The following GSE1 variants were observed in gnomAD, a reference collection of about 807,000 sequenced individuals.
GSE1 encodes the protein genetic suppressor element 1.
GSE1 carries 32 observed loss-of-function variants against 112.6 expected under a neutral mutation model. The ratio of observed to expected loss-of-function variants is 0.28; its 90% CI spans 0.21 to 0.38. The LOEUF (loss-of-function observed/expected upper bound fraction) is 0.38. Among genes scored for constraint, GSE1 ranks in the 10% least tolerant of loss-of-function variants. The pLI, the probability that GSE1 is intolerant of heterozygous loss-of-function variation, is 1.00. For missense variants in GSE1, 2,348 were observed against 1,699.2 expected (o/e 1.38, Z -6.71); for synonymous variants, 1,115 against 735.6 (o/e 1.52, Z -8.35).
upstream of GSE1, among the ~76,000 whole-genome samples, chr16:85,552,659 A>G (rs115352767): frequency 8.0e-3 from 1,222 of 152,314 alleles, 14 homozygotes; most frequent in African/African-American, 0.027. Flanking sequence ...GCTGTCTCCA[A>G]GTGATCTTGC....
intron 2 of GSE1, among the ~76,000 whole-genome samples, chr16:85,449,259 G>A (rs1597790352): frequency 6.6e-6 from 1 of 152,246 alleles, no homozygotes; most frequent in Non-Finnish European, 1.5e-5. Context: ...CCACATCTGA[G>A]CCATTCAAGA....
intron 2 of GSE1, among the ~76,000 whole-genome samples, chr16:85,542,095 C>T (rs937414361): frequency 7.0e-6 from 1 of 142,072 alleles, no homozygotes; most frequent in African/African-American, 2.7e-5. Context: ...CCACCCCATC[C>T]GGTTTTGACC....
chr16:85,531,355 C>T (rs556341102), intron 2 of GSE1, among the ~76,000 whole-genome samples: 14 of 152,208 alleles, frequency 9.2e-5, no homozygotes, highest in African/African-American at 2.6e-4. Context: ...AGGAGTAAGT[C>T]GTCCAGGGCC....
chr16:85,412,723 C>A (rs1453727581), intron 2 of GSE1, among the ~76,000 whole-genome samples: 2 of 150,572 alleles, frequency 1.3e-5, no homozygotes, highest in Non-Finnish European at 3.0e-5. Flanking sequence ...CACTGTTACT[C>A]TCAGGCCCCC....
At chr16:85,641,044 C>A (rs2050402617) in intron 2 of GSE1, among the ~76,000 whole-genome samples, 1 of 152,234 alleles carries the variant, frequency 6.6e-6, no homozygotes. Flanking sequence ...CAGTACTTGG[C>A]GTGTCAGCCT....
intron 1 of GSE1, among the ~76,000 whole-genome samples, chr16:85,567,046 A>ACCCCCC (rs1567597103): frequency 2.3e-5 from 2 of 87,660 alleles, no homozygotes; most frequent in Non-Finnish European, 5.1e-5. Flanking sequence ...CCCCACCCCC[A>ACCCCCC]CCCCCACCCC....
intron 2 of GSE1, among the ~76,000 whole-genome samples, chr16:85,385,737 C>G (rs897808807): frequency 6.6e-6 from 1 of 152,222 alleles, no homozygotes; most frequent in African/African-American, 2.4e-5. Flanking sequence ...CATCCTGGAG[C>G]CCTTCCGAGG....
chr16:85,628,287 T>C (rs2151699110), intron 1 of GSE1, among the ~76,000 whole-genome samples: 1 of 152,348 alleles, frequency 6.6e-6, no homozygotes, highest in South Asian at 2.1e-4. Flanking sequence ...CAGAGCCGCT[T>C]CCCAGGCTCA....
intron 2 of GSE1, among the ~76,000 whole-genome samples, chr16:85,519,848 T>C (rs1290039924): frequency 6.6e-6 from 1 of 152,214 alleles, no homozygotes; most frequent in Non-Finnish European, 1.5e-5. Context: ...GTGCTCCCCT[T>C]CCTTCCTGAG....
rs1298396266 is a variant in GSE1 at position 85,241,876 on chromosome 16, C to T, written c.2283+70069C>T. On this transcript the variant is annotated intron_variant, in intron 1 of 2. Transcript: ENST00000637419. ...CTACACAATAGACCCCCTCCCCGGGCACCCCCAGCCCACACTGGGCATCCT... is the reference window on the plus strand; with the variant it reads ...CTACACAATAGACCCCCTCCCCGGGTACCCCCAGCCCACACTGGGCATCCT... Among the ~76,000 whole-genome samples the T allele has an allele frequency of 2.0e-5, 3 of 152,250 alleles. No individual in the cohort carries two copies. In the East Asian group the frequency reaches 5.8e-4, roughly 29 times the overall value.
At chr16:85,515,840 C>A (rs1370861716) in intron 2 of GSE1, among the ~76,000 whole-genome samples, 1 of 152,146 alleles carries the variant, frequency 6.6e-6, no homozygotes, top group Non-Finnish European at 1.5e-5. Context: ...GAAAGCCGGT[C>A]CCCTCCTGCC....
intron 2 of GSE1, among the ~76,000 whole-genome samples, chr16:85,443,161 TG>T (rs1449944401): frequency 2.6e-5 from 4 of 152,136 alleles, no homozygotes; most frequent in East Asian, 1.9e-4. Flanking sequence ...TGAATGTGGT[TG>T]GGGGGGCACC....
intron 14 of GSE1, among the ~76,000 whole-genome samples, chr16:85,670,245 C>CCTTTT (rs1317834994): frequency 1.3e-5 from 2 of 152,254 alleles, no homozygotes; most frequent in Middle Eastern, 3.4e-3. Context: ...TTGGTTCTTT[C>CCTTTT]CTTTTGAATT....
intron 2 of GSE1, among the ~76,000 whole-genome samples, chr16:85,485,722 C>G (rs112881686): frequency 2.6e-5 from 4 of 152,226 alleles, no homozygotes; most frequent in East Asian, 1.9e-4. Context: ...TCAGTGTGCC[C>G]GTAATTGTTC....
intron 12 of GSE1, 122 bp from the exon 13 acceptor site, chr16:85,665,854 G>T: frequency 7.8e-6 from 7 of 897,048 alleles, no homozygotes; most frequent in Non-Finnish European, 1.2e-5. Flanking sequence ...TGTTCCCCGG[G>T]TCTTGGTTCT....
At chr16:85,187,608 C>T (rs1335244850) in intron 1 of GSE1, among the ~76,000 whole-genome samples, 1 of 152,138 alleles carries the variant, frequency 6.6e-6, no homozygotes, top group East Asian at 1.9e-4. Flanking sequence ...TGCTGGTCTG[C>T]TCTTGACCGG....
intron 14 of GSE1, 30 bp downstream of exon 14, chr16:85,668,454 G>C (rs1441788414): frequency 7.0e-7 from 1 of 1,434,644 alleles, no homozygotes; most frequent in Admixed American, 1.7e-5. Context: ...GAGGGGGGAG[G>C]GGGTCAGGAA....
chr16:85,464,126 G>T (rs1389894318), intron 2 of GSE1, among the ~76,000 whole-genome samples: 1 of 151,810 alleles, frequency 6.6e-6, no homozygotes, highest in Admixed American at 6.6e-5. Context: ...TCGCCTGCCC[G>T]CCCACCCCTC....
chr16:85,263,397 A>C (rs925632236), intron 1 of GSE1, among the ~76,000 whole-genome samples: 5 of 152,128 alleles, frequency 3.3e-5, no homozygotes, highest in Non-Finnish European at 7.4e-5. Context: ...TTTCTCACTC[A>C]GAATCTGCGT....
Sources: allele counts gnomAD v4.1 joint callset (sites outside exome capture counted in the v4.1 genomes callset), GRCh38; gene constraint gnomAD v4.1.1; transcripts MANE v1.5; gene names NCBI Gene and HGNC (gene_info 2026-07-23, HGNC 2026-07-21).